The following ERICH5 variants were observed in gnomAD, a reference collection of about 807,000 sequenced individuals.
The protein encoded by ERICH5 is glutamate-rich protein 5.
Under a neutral mutation model 28.0 loss-of-function variants are expected in ERICH5, and 24 were observed. The ratio of observed to expected loss-of-function variants is 0.86; its 90% CI spans 0.62 to 1.21. The LOEUF (loss-of-function observed/expected upper bound fraction) is 1.21. Ranked by LOEUF, ERICH5 falls within the 50% of genes most tolerant of loss-of-function variation. The pLI is 0.00. For missense variants in ERICH5, 421 were observed against 441.2 expected, an observed-to-expected ratio of 0.95 and a Z score of 0.41; for synonymous variants, 163 against 157.6, an observed-to-expected ratio of 1.03 and a Z score of -0.25.
At chr8:98,088,802 G>T (rs1237335470) in intron 1 of ERICH5, among the ~76,000 whole-genome samples, 1 of 152,218 alleles carries the variant, frequency 6.6e-6, no homozygotes, top group Non-Finnish European at 1.5e-5. Context: ...ATCTGGGACA[G>T]GAGCCATGAA....
At chr8:98,091,841 T>TTTCTTTCC (rs1246909929) in intron 2 of ERICH5, among the ~76,000 whole-genome samples, 3 of 47,440 alleles carry the variant, frequency 6.3e-5, no homozygotes, top group Admixed American at 4.4e-4. Context: ...TTTCTTTTTC[T>TTTCTTTCC]TTCTTTCTTT....
intron 2 of ERICH5, 135 bp downstream of exon 2, chr8:98,090,164 A>G: frequency 1.6e-6 from 1 of 613,654 alleles, no homozygotes; most frequent in Non-Finnish European, 2.7e-6. Flanking sequence ...GACCAAACCA[A>G]AAAGGCTTCT....
intron 1 of ERICH5, among the ~76,000 whole-genome samples, chr8:98,073,060 GT>G (rs1387500013): frequency 1.3e-5 from 2 of 152,050 alleles, no homozygotes; most frequent in Non-Finnish European, 2.9e-5. Context: ...TGGGTATGAA[GT>G]TCAACATTTC....
chr8:98,065,448 G>T (rs970192539), intron 1 of ERICH5, among the ~76,000 whole-genome samples: 1 of 152,206 alleles, frequency 6.6e-6, no homozygotes, highest in Admixed American at 6.5e-5. Flanking sequence ...TCTTGCTGAA[G>T]AAACTCAACA....
At chr8:98,079,153 CTTTTTTTTTTTCCTTTT>C (rs1199108650) in intron 1 of ERICH5, among the ~76,000 whole-genome samples, 16 of 132,398 alleles carry the variant, frequency 1.2e-4, no homozygotes, top group South Asian at 2.3e-4. Context: ...ACATTTTCCT[CTTTTTTTTTTTCCTTTT>C]TTTTTTTTTT....
At chr8:98,077,528 A>G (rs1035324278) in intron 1 of ERICH5, among the ~76,000 whole-genome samples, 23 of 152,226 alleles carry the variant, frequency 1.5e-4, no homozygotes, top group African/African-American at 5.3e-4. Context: ...ATAGGAATCT[A>G]AAAGAAATTA....
intron 1 of ERICH5, among the ~76,000 whole-genome samples, chr8:98,076,253 T>C (rs1815051909): frequency 6.6e-6 from 1 of 151,870 alleles, no homozygotes; most frequent in Non-Finnish European, 1.5e-5. Context: ...GGGATTTCAC[T>C]ATGTTGGCCA....
At chr8:98,073,980 C>G (rs1430019063) in intron 1 of ERICH5, among the ~76,000 whole-genome samples, 2 of 150,184 alleles carry the variant, frequency 1.3e-5, no homozygotes, top group African/African-American at 4.9e-5. Context: ...TGCAGTGGCG[C>G]TATCACAACT....
chr8:98,064,702 C>A lies in ERICH5; in HGVS notation c.33C>A (p.Ala11=), dbSNP rs756166761. 7.2e-6 allele frequency: 11 copies of A among 1,535,562 alleles called. No individual in the cohort carries two copies. In the South Asian group the frequency reaches 1.2e-4, roughly 17 times the overall value. The part of the protein sequence containing the change: MGCSSSALNK[A]GDSSRFPSVT... ...GCTCCAGCAGCGCCCTCAACAAGGC[C>A]GGCGACAGCAGCAGGTTCCCCAGCG... Residue 11 remains alanine, a synonymous_variant, in exon 1 of 3, where the codon GCC becomes GCA. Coordinates refer to ENST00000318528, the MANE Select transcript of ERICH5 (RefSeq NM_173549.3).
chr8:98,064,748 G>A, intron 1 of ERICH5, 21 bp downstream of exon 1: 1 of 1,521,704 alleles, frequency 6.6e-7, no homozygotes, highest in Non-Finnish European at 8.8e-7. Flanking sequence ...TACCGGCGCC[G>A]CCCGCGCCCG....
intron 2 of ERICH5, among the ~76,000 whole-genome samples, chr8:98,090,822 G>T (rs1294822289): frequency 6.6e-6 from 1 of 152,018 alleles, no homozygotes; most frequent in African/African-American, 2.4e-5. Flanking sequence ...TTCTTCTGGG[G>T]TATGATTTAC....
chr8:98,076,117 G>A (rs1364757746), intron 1 of ERICH5, among the ~76,000 whole-genome samples: 2 of 152,034 alleles, frequency 1.3e-5, no homozygotes, highest in African/African-American at 4.8e-5. Flanking sequence ...GCAATAGCGC[G>A]ATCTCAGCTC....
rs118038112 is a variant in ERICH5, at chr8:98,089,279, G to A, written c.262G>A (p.Val88Ile). The A allele has an allele frequency of 0.016, 25,224 of 1,614,200 alleles. 264 individuals are homozygous for A. The highest frequency in any genetic ancestry group is 0.018 in the Non-Finnish European group (21,276 of 1,180,020). ...CCAAGAACAGCCCCTGGCCAAGGAC[G>A]TAGCCCCTGGAAGGGATGCCACAGA... is the stretch of plus-strand genomic sequence containing the variant. ...PLQEQPLAKD[V>I]APGRDATDQS... is the part of the protein sequence containing the mutation. Residue 88 changes from valine (V) to isoleucine (I), a missense_variant, in exon 2 of 3, where the codon GTA becomes ATA. Physicochemically the swap from Val to Ile is conservative, Grantham distance 29. Coordinates refer to ENST00000318528, the MANE Select transcript of ERICH5 (RefSeq NM_173549.3).
intron 1 of ERICH5, among the ~76,000 whole-genome samples, chr8:98,087,481 AG>A (rs1815302987): frequency 6.6e-6 from 1 of 152,142 alleles, no homozygotes; most frequent in African/African-American, 2.4e-5. Flanking sequence ...TTGGGAAAAA[AG>A]AAAAGAAGAA....
intron 1 of ERICH5, among the ~76,000 whole-genome samples, chr8:98,067,913 T>C (rs1194976033): frequency 6.6e-6 from 1 of 152,126 alleles, no homozygotes; most frequent in Non-Finnish European, 1.5e-5. Context: ...CTATACTATA[T>C]ATATTATTTA....
At chr8:98,091,986 CT>C (rs1243110156) in intron 2 of ERICH5, among the ~76,000 whole-genome samples, 5 of 139,174 alleles carry the variant, frequency 3.6e-5, no homozygotes, top group African/African-American at 1.4e-4. Context: ...TCTTCTCTCT[CT>C]CTCTCCCCTT....
intron 1 of ERICH5, among the ~76,000 whole-genome samples, chr8:98,075,544 A>G (rs1355320024): frequency 1.3e-5 from 2 of 152,110 alleles, no homozygotes; most frequent in Admixed American, 6.6e-5. Flanking sequence ...TCTGAATTGC[A>G]TGTAGGTGCC....
At chr8:98,091,920 C>CCTTT (rs1363100223) in intron 2 of ERICH5, among the ~76,000 whole-genome samples, 6 of 26,766 alleles carry the variant, frequency 2.2e-4, no homozygotes, top group East Asian at 1.3e-3. Flanking sequence ...TTTCTTTCTT[C>CCTTT]CTTTCTTTCT....
At chr8:98,079,210 G>A (rs758691310) in intron 1 of ERICH5, among the ~76,000 whole-genome samples, 4 of 111,598 alleles carry the variant, frequency 3.6e-5, no homozygotes, top group African/African-American at 3.6e-5. Context: ...TCTGTCTGTT[G>A]CCCAGGCTGG....
Sources: allele counts gnomAD v4.1 joint callset (sites outside exome capture counted in the v4.1 genomes callset), GRCh38; gene constraint gnomAD v4.1.1; transcripts MANE v1.5; gene names NCBI Gene and HGNC (gene_info 2026-07-23, HGNC 2026-07-21).